The following SF3A3 variants were observed in gnomAD, a reference collection of about 807,000 sequenced individuals.
The protein encoded by SF3A3 is SAP 61.
In SF3A3, 9 loss-of-function variants were observed where a neutral mutation model predicts 85.8. That is an observed-to-expected ratio of 0.10 (90% confidence interval 0.06 to 0.18). SF3A3 has a LOEUF of 0.18. Ranked by LOEUF, SF3A3 falls within the 10% of genes least tolerant of loss-of-function variation. SF3A3 has a pLI of 1.00. For missense variants in SF3A3, 306 were observed against 593.3 expected, an observed-to-expected ratio of 0.52 and a Z score of 5.03; for synonymous variants, 195 against 204.4, an observed-to-expected ratio of 0.95 and a Z score of 0.39.
intron 12 of SF3A3, among the ~76,000 whole-genome samples, chr1:37,975,023 TTTC>T (rs1646370118): frequency 6.6e-6 from 1 of 151,010 alleles, no homozygotes; most frequent in East Asian, 1.9e-4. Flanking sequence ...ACAAAATGAG[TTTC>T]TTAAGGGCAA....
chr1:37,977,268 T>G (rs768312869), intron 11 of SF3A3, among the ~76,000 whole-genome samples: 2 of 152,206 alleles, frequency 1.3e-5, no homozygotes, highest in Non-Finnish European at 2.9e-5. Flanking sequence ...CAGGTAGACC[T>G]AGGCCCAAAT....
Position 37,981,769 on chromosome 1 carries a change from A to G in SF3A3, c.511T>C (p.Phe171Leu). 6.3e-7 allele frequency: 1 copy of G among 1,598,842 alleles called. No individual in the cohort carries two copies. The change falls in exon 7 of 17, where the codon TTT (phenylalanine) becomes CTT (leucine). Residue 171 changes from phenylalanine (F) to leucine (L), a missense_variant. Transcript: ENST00000373019. ...ITYLSIFDQL[F>L]DIPKERKNAE... ...TTCTTCCTTTCTTTAGGAATGTCAAATAATTGGTCAAAGATGGACAGGTAT... is the reference window on the plus strand; with the variant it reads ...TTCTTCCTTTCTTTAGGAATGTCAAGTAATTGGTCAAAGATGGACAGGTAT...
intron 15 of SF3A3, among the ~76,000 whole-genome samples, chr1:37,961,958 G>A (rs1646262985): frequency 6.6e-6 from 1 of 151,116 alleles, no homozygotes; most frequent in Admixed American, 6.6e-5. Flanking sequence ...GGTGGTGCAT[G>A]CCTGTAATCC....
chr1:37,966,347 A>G (rs533496467), intron 15 of SF3A3, among the ~76,000 whole-genome samples: 1 of 152,342 alleles, frequency 6.6e-6, no homozygotes, highest in African/African-American at 2.4e-5. Context: ...TATGTGCTTC[A>G]GCAGCACATT....
chr1:37,978,951 G>A (rs746407528), intron 10 of SF3A3, 37 bp downstream of exon 10: 2 of 1,589,824 alleles, frequency 1.3e-6, no homozygotes, highest in Non-Finnish European at 1.7e-6. Context: ...CAAACACACA[G>A]TAAATCGATA....
At chr1:37,974,325 T>C (rs1192286280) in intron 12 of SF3A3, among the ~76,000 whole-genome samples, 2 of 134,580 alleles carry the variant, frequency 1.5e-5, no homozygotes, top group Non-Finnish European at 3.1e-5. Context: ...TTTTTTGAGA[T>C]GGAGTCTTGC....
intron 4 of SF3A3, among the ~76,000 whole-genome samples, chr1:37,985,940 C>T (rs573451898): frequency 1.4e-5 from 2 of 145,038 alleles, no homozygotes; most frequent in South Asian, 4.3e-4. Flanking sequence ...CCTTCTTTTT[C>T]CTACCAGACT....
At chr1:37,960,486 G>C in intron 15 of SF3A3, 1 of 327,024 alleles carries the variant, frequency 3.1e-6, no homozygotes, top group Admixed American at 4.3e-5. Flanking sequence ...TGGGGAAAGT[G>C]ACTTTACTTT....
chr1:37,984,852 G>C (rs1244465915), intron 4 of SF3A3, 73 bp from the exon 5 acceptor site: 23 of 1,253,468 alleles, frequency 1.8e-5, no homozygotes, highest in South Asian at 4.8e-5. Context: ...CTGTGGCCCA[G>C]GCTGGAGTGC....
At chr1:37,962,669 G>A (rs1646270182) in intron 15 of SF3A3, among the ~76,000 whole-genome samples, 1 of 151,412 alleles carries the variant, frequency 6.6e-6, no homozygotes. Context: ...GCGATTTCCG[G>A]TGGCAATTTC....
chr1:37,985,355 G>C (rs1007845182), intron 4 of SF3A3, among the ~76,000 whole-genome samples: 1 of 152,146 alleles, frequency 6.6e-6, no homozygotes, highest in Admixed American at 6.5e-5. Context: ...TGTTAACAGA[G>C]CTTTTGCTAT....
intron 15 of SF3A3, among the ~76,000 whole-genome samples, chr1:37,962,981 G>A (rs971044218): frequency 7.2e-5 from 11 of 151,940 alleles, no homozygotes; most frequent in Non-Finnish European, 1.3e-4. Context: ...CCAGCCACTC[G>A]GGAGGCTGAG....
Position 37,984,563 on chromosome 1 carries a change from A to G in SF3A3, c.376+144T>C. 1.2e-5 allele frequency: 8 copies of G among 673,172 alleles called. No individual in the cohort carries two copies. In the South Asian group the frequency reaches 1.4e-4, roughly 12 times the overall value. The allele number at this position is 673,172 out of a possible 1,614,324, so 41.7% of individuals were successfully genotyped here. A position where few individuals can be genotyped will look rare whatever the true frequency, so the allele number is the denominator to read the frequency against. On this transcript the variant is annotated intron_variant, in intron 5 of 16. Transcript: ENST00000373019. Reference sequence around the variant, plus strand: ...ACATTTTGCCCAAGACCAACTTAGGATGTCACTCTAGCCCAGAAACCAGCA... The same window carrying G: ...ACATTTTGCCCAAGACCAACTTAGGGTGTCACTCTAGCCCAGAAACCAGCA...
Position 37,966,078 on chromosome 1 carries a change from T to C in SF3A3, c.1372+1966A>G, listed in dbSNP as rs984230155. On this transcript the variant is annotated intron_variant, in intron 15 of 16. Transcript: ENST00000373019. ...ATTAGCCAGGCGTGGTGGCGAGCGC[T>C]TGTAATTCCAGCTACTCGGGAGGCT... is the stretch of plus-strand genomic sequence containing the variant. Among the ~76,000 whole-genome samples, 27 of 151,910 alleles carry C rather than the reference T, an allele frequency of 1.8e-4. No homozygotes were observed. In the East Asian group the frequency reaches 5.2e-3, roughly 29 times the overall value.
chr1:37,959,077 T>C (rs987996172), intron 16 of SF3A3, among the ~76,000 whole-genome samples: 2 of 151,628 alleles, frequency 1.3e-5, no homozygotes, highest in African/African-American at 4.8e-5. Context: ...TCAACTTTTT[T>C]TTCTTTTTTT....
At chr1:37,966,096 G>A (rs1217876046) in intron 15 of SF3A3, among the ~76,000 whole-genome samples, 2 of 151,950 alleles carry the variant, frequency 1.3e-5, no homozygotes, top group Non-Finnish European at 2.9e-5. Context: ...CCAGCTACTC[G>A]GGAGGCTGAG....
chr1:37,982,066 A>G (rs999007435), intron 6 of SF3A3, among the ~76,000 whole-genome samples: 1 of 135,524 alleles, frequency 7.4e-6, no homozygotes, highest in Non-Finnish European at 1.7e-5. Flanking sequence ...ACATTAAACT[A>G]AAAGAAACGT....
chr1:37,962,495 T>TG (rs1646268182), intron 15 of SF3A3, among the ~76,000 whole-genome samples: 1 of 144,636 alleles, frequency 6.9e-6, no homozygotes, highest in Non-Finnish European at 1.5e-5. Flanking sequence ...CCCTGCTACT[T>TG]GGGAGGCTGA....
intron 12 of SF3A3, among the ~76,000 whole-genome samples, chr1:37,973,794 C>G (rs1026051344): frequency 6.6e-6 from 1 of 152,128 alleles, no homozygotes; most frequent in Non-Finnish European, 1.5e-5. Flanking sequence ...ACGTTTATTG[C>G]AGCACTAGTC....
Sources: allele counts gnomAD v4.1 joint callset (sites outside exome capture counted in the v4.1 genomes callset), GRCh38; gene constraint gnomAD v4.1.1; transcripts MANE v1.5; gene names NCBI Gene and HGNC (gene_info 2026-07-23, HGNC 2026-07-21).